The following SMIM27 variants were observed in gnomAD, a reference collection of about 807,000 sequenced individuals.
SMIM27 encodes transition zone microprotein 1, also known as TOPORS antisense RNA 1 (non-protein coding).
In SMIM27, 3 loss-of-function variants were observed where a neutral mutation model predicts 1.8. The ratio of observed to expected loss-of-function variants is 1.65; its 90% CI spans 0.75 to 4.28. The LOEUF is 4.28. Ranked by LOEUF, SMIM27 falls within the 30% of genes most tolerant of loss-of-function variation. The pLI is 0.02. For synonymous variants in SMIM27, 19 were observed against 13.9 expected, an observed-to-expected ratio of 1.37 and a Z score of -0.82; for missense variants, 63 against 37.0, an observed-to-expected ratio of 1.70 and a Z score of -1.83.
intron 1 of SMIM27, among the ~76,000 whole-genome samples, chr9:32,563,262 TTC>T (rs1011960540): frequency 3.0e-4 from 46 of 152,266 alleles, no homozygotes; most frequent in Admixed American, 2.7e-3. Flanking sequence ...AAGATACTCT[TTC>T]TCTCTTTGTA....
chr9:32,552,801 T>C lies in SMIM27; in HGVS notation c.46T>C (p.Leu16=). The C allele has an allele frequency of 1.4e-6, 1 of 701,290 alleles. No homozygotes were observed. The highest frequency in any genetic ancestry group is 2.0e-5 in the Admixed American group (1 of 49,588). The allele number at this position is 701,290 out of a possible 1,614,324, so 43.4% of individuals were successfully genotyped here. A position where few individuals can be genotyped will look rare whatever the true frequency, so the allele number is the denominator to read the frequency against. The change falls in exon 2 of 2, where the codon TTG becomes CTG. Residue 16 remains leucine, a splice_region_variant and synonymous_variant. Coordinates refer to ENST00000692500, the MANE Select transcript of SMIM27 (RefSeq NM_001387564.1). ...ACCTCCTTTGCGATTTTTGGTTTAG[T>C]TGCTGCTTGCCATCGTTTTAATCTC... ...RRTLDWIYSV[L]LLAIVLISWG...
downstream of SMIM27, chr9:32,553,865 T>C: frequency 6.5e-7 from 1 of 1,547,426 alleles, no homozygotes; most frequent in Non-Finnish European, 8.9e-7. Context: ...TTTTAACTTT[T>C]TACATAATCT....
intron 1 of SMIM27, among the ~76,000 whole-genome samples, chr9:32,564,286 G>A (rs550802942): frequency 1.3e-5 from 2 of 152,102 alleles, no homozygotes; most frequent in African/African-American, 4.8e-5. Context: ...TTTTCCGGCA[G>A]TGAGAATCCT....
At position 32,552,572 on chromosome 9, in the gene SMIM27, A is replaced by G. The variant is rs180828616; in HGVS notation, c.45+93A>G. On this transcript the variant is annotated intron_variant, in intron 1 of 1. Transcript: ENST00000692500. ...TTCTTCAGCACCCAGAAACTCCAAA[A>G]TCCATTCCTGAATTAAGCATTTCAC... 188 of 1,123,358 alleles carry G rather than the reference A, an allele frequency of 1.7e-4. 1 individual carries two copies. The African/African-American group carries it at 2.5e-3, about 15-fold the overall frequency. The allele number at this position is 1,123,358 out of a possible 1,614,324, so 69.6% of individuals were successfully genotyped here. A position where few individuals can be genotyped will look rare whatever the true frequency, so the allele number is the denominator to read the frequency against.
upstream of SMIM27, chr9:32,552,241 A>C (rs1587629430): frequency 1.4e-6 from 1 of 704,224 alleles, no homozygotes. Context: ...AAGGCGGGCA[A>C]GGCCCCCGAT....
downstream of SMIM27, among the ~76,000 whole-genome samples, chr9:32,557,653 A>G (rs986733647): frequency 4.2e-5 from 6 of 142,498 alleles, no homozygotes; most frequent in Non-Finnish European, 9.2e-5. Context: ...TAATTTTTGT[A>G]TTTTTAGTAG....
chr9:32,566,849 G>A (rs1587648794), exon 2 of SMIM27: 1 of 822,796 alleles, frequency 1.2e-6, no homozygotes, highest in Non-Finnish European at 2.0e-6. Context: ...CACAGTAGCT[G>A]CCGGGCGGCC....
At chr9:32,566,099 T>C (rs1000822371) in intron 1 of SMIM27, 1 of 470,652 alleles carries the variant, frequency 2.1e-6, no homozygotes, top group African/African-American at 2.0e-5. Context: ...CTGTTAAAAT[T>C]ATGCCCACGA....
upstream of SMIM27, chr9:32,551,745 G>A (rs1821268224): frequency 2.3e-6 from 1 of 432,890 alleles, no homozygotes. Flanking sequence ...CTCACGCGCG[G>A]CAGTTCAAGA....
At chr9:32,563,458 G>T (rs1053638314) in intron 1 of SMIM27, among the ~76,000 whole-genome samples, 2 of 145,530 alleles carry the variant, frequency 1.4e-5, no homozygotes, top group African/African-American at 5.1e-5. Flanking sequence ...CGATCCTCCT[G>T]CTTCAGCCTC....
At chr9:32,565,933 C>A (rs560945165) in intron 1 of SMIM27, among the ~76,000 whole-genome samples, 1 of 152,252 alleles carries the variant, frequency 6.6e-6, no homozygotes, top group Non-Finnish European at 1.5e-5. Context: ...GATCACACTA[C>A]TACACTCCAG....
intron 1 of SMIM27, among the ~76,000 whole-genome samples, chr9:32,559,630 T>C (rs1563993193): frequency 6.6e-6 from 1 of 152,186 alleles, no homozygotes; most frequent in Non-Finnish European, 1.5e-5. Context: ...TTCTCCTAAA[T>C]ACTGCTTGAC....
At chr9:32,552,731 A>G (rs932032501) in intron 1 of SMIM27, 70 bp from the exon 2 acceptor site, 21 of 676,342 alleles carry the variant, frequency 3.1e-5, no homozygotes, top group Middle Eastern at 2.4e-4. Context: ...AGCAATGGCA[A>G]CGGTAACCTG....
At chr9:32,557,352 A>G (rs1465619802), downstream of SMIM27, among the ~76,000 whole-genome samples, 1 of 150,226 alleles carries the variant, frequency 6.7e-6, no homozygotes, top group African/African-American at 2.5e-5. Flanking sequence ...TTTTTTTAGT[A>G]CAGATGGTGT....
At chr9:32,566,544 T>C in exon 2 of SMIM27, 1 of 773,322 alleles carries the variant, frequency 1.3e-6, no homozygotes, top group Non-Finnish European at 2.4e-6. Flanking sequence ...CTCTGTTGTA[T>C]AGCTGCCGTC....
intron 1 of SMIM27, among the ~76,000 whole-genome samples, chr9:32,564,524 A>AC (rs35180773): frequency 2.0e-5 from 3 of 151,892 alleles, no homozygotes; most frequent in African/African-American, 7.3e-5. Context: ...TTTAAAAAAA[A>AC]GTACATTATA....
chr9:32,553,635 C>A, downstream of SMIM27: 2 of 460,390 alleles, frequency 4.3e-6, no homozygotes, highest in Non-Finnish European at 3.9e-6. Flanking sequence ...AAATACTTTT[C>A]CATACCGTTT....
intron 1 of SMIM27, chr9:32,566,242 T>C (rs1821785599): frequency 2.0e-6 from 2 of 994,828 alleles, no homozygotes; most frequent in Admixed American, 3.4e-5. Context: ...GGTGGTTTTC[T>C]TATGGCAGAC....
chr9:32,557,162 C>CT (rs34291462), downstream of SMIM27, among the ~76,000 whole-genome samples: 8,428 of 129,140 alleles, frequency 0.065, 418 homozygotes, highest in Admixed American at 0.1. Flanking sequence ...CTGGCCCCCA[C>CT]TTTTTTTTTT....
Sources: allele counts gnomAD v4.1 joint callset (sites outside exome capture counted in the v4.1 genomes callset), GRCh38; gene constraint gnomAD v4.1.1; transcripts MANE v1.5; gene names NCBI Gene and HGNC (gene_info 2026-07-23, HGNC 2026-07-21).